Variants in ZNF277 observed in about 807,000 individuals in gnomAD.
The protein encoded by ZNF277 is nuclear receptor-interacting factor 4.
ZNF277 carries 55 observed loss-of-function variants against 60.7 expected under a neutral mutation model. The observed-to-expected ratio is 0.91, with a 90% CI of 0.73 to 1.13. ZNF277 has a LOEUF of 1.13. Among genes scored for constraint, ZNF277 ranks in the 50% most tolerant of loss-of-function variants. The probability of loss-of-function intolerance (pLI) is 0.00; values close to 1 mark genes in which losing one functional copy is unlikely to be tolerated. For synonymous variants in ZNF277, 178 were observed against 179.3 expected (o/e 0.99, Z 0.06); for missense variants, 510 against 523.0 (o/e 0.98, Z 0.24).
intron 1 of ZNF277, among the ~76,000 whole-genome samples, chr7:112,252,081 C>G (rs529751751): frequency 1.3e-5 from 2 of 152,278 alleles, no homozygotes; most frequent in African/African-American, 4.8e-5. Flanking sequence ...GCCTTTTGGC[C>G]TAACTTTTTT....
intron 1 of ZNF277, among the ~76,000 whole-genome samples, chr7:112,211,422 T>G (rs756606188): frequency 6.6e-6 from 1 of 152,242 alleles, no homozygotes; most frequent in Non-Finnish European, 1.5e-5. Context: ...ACTGCTGAAT[T>G]ACCTACCTGC....
intron 1 of ZNF277, among the ~76,000 whole-genome samples, chr7:112,227,082 G>T (rs557806280): frequency 6.6e-6 from 1 of 152,218 alleles, no homozygotes; most frequent in East Asian, 1.9e-4. Context: ...AATTACATTT[G>T]CTGATATCTC....
chr7:112,333,152 T>TTA (rs565979289), intron 7 of ZNF277, among the ~76,000 whole-genome samples: 3,661 of 145,652 alleles, frequency 0.025, 138 homozygotes, highest in African/African-American at 0.085. Context: ...ATACTTTATT[T>TTA]AAAAAAAAAA....
intron 4 of ZNF277, among the ~76,000 whole-genome samples, chr7:112,298,477 A>T (rs1264926207): frequency 6.6e-6 from 1 of 152,198 alleles, no homozygotes; most frequent in Non-Finnish European, 1.5e-5. Context: ...GGGGAGGAGT[A>T]TGAGATAAAT....
chr7:112,327,659 C>A, intron 5 of ZNF277, 58 bp from the exon 6 acceptor site: 1 of 1,379,048 alleles, frequency 7.3e-7, no homozygotes, highest in Non-Finnish European at 1.0e-6. Flanking sequence ...GCTATTCCAA[C>A]CCAAATGTGT....
At chr7:112,215,963 T>C (rs919385461) in intron 1 of ZNF277, among the ~76,000 whole-genome samples, 4 of 152,246 alleles carry the variant, frequency 2.6e-5, no homozygotes, top group African/African-American at 7.2e-5. Context: ...TAATTACCAT[T>C]ATAAAGCAAT....
Position 112,276,403 on chromosome 7 carries a change from G to A in ZNF277, c.92-10470G>A, listed in dbSNP as rs185646746. 2.4e-3 allele frequency among the ~76,000 whole-genome samples: 366 copies of A among 152,142 alleles called. 3 individuals are homozygous for A. The highest frequency in any genetic ancestry group is 8.0e-3 in the African/African-American group (332 of 41,498). On this transcript the variant is annotated intron_variant, in intron 1 of 11. Transcript: ENST00000361822. ...CAAATGGGCTTCCCTAGAAACTGTC[G>A]GATGACAAAAGATGCTACAAAGCTT...
Position 112,327,734 on chromosome 7 carries a change from A to G in ZNF277, c.575A>G (p.His192Arg). The change falls in exon 6 of 12, where the codon CAC (histidine) becomes CGC (arginine). Residue 192 changes from histidine to arginine, a missense_variant. Coordinates refer to ENST00000361822, the MANE Select transcript of ZNF277 (RefSeq NM_021994.3). Reference sequence around the variant, plus strand: ...CTTCCTAGATCTGTTATTTTGAACCACATGGCCAGAGAACATGCTTTCAAC... The same window carrying G: ...CTTCCTAGATCTGTTATTTTGAACCGCATGGCCAGAGAACATGCTTTCAAC... The part of the protein sequence containing the change: ...FLGNRSVILN[H>R]MAREHAFNIG... The G allele has an allele frequency of 6.2e-7, 1 of 1,611,666 alleles. No homozygotes were observed.
chr7:112,337,247 G>C (rs1019093533), intron 8 of ZNF277, among the ~76,000 whole-genome samples: 4 of 152,148 alleles, frequency 2.6e-5, no homozygotes, highest in South Asian at 2.1e-4. Flanking sequence ...TTTAACACTT[G>C]CCCAGTTTAA....
chr7:112,290,533 G>A (rs1792184148), intron 2 of ZNF277, among the ~76,000 whole-genome samples: 2 of 152,158 alleles, frequency 1.3e-5, no homozygotes, highest in African/African-American at 4.8e-5. Flanking sequence ...TCTGATATAA[G>A]TGCTTTCTAA....
chr7:112,275,456 T>C (rs901813832), intron 1 of ZNF277, among the ~76,000 whole-genome samples: 2 of 152,210 alleles, frequency 1.3e-5, no homozygotes, highest in African/African-American at 4.8e-5. Flanking sequence ...CTTCATTTCA[T>C]TTCCTTTTAG....
chr7:112,283,143 A>C (rs1182534434), intron 1 of ZNF277, among the ~76,000 whole-genome samples: 4 of 152,250 alleles, frequency 2.6e-5, no homozygotes, highest in East Asian at 1.9e-4. Context: ...CCATATGATC[A>C]ATGCTGTTAT....
At chr7:112,208,364 ACT>A (rs1228166813) in intron 1 of ZNF277, among the ~76,000 whole-genome samples, 3 of 151,954 alleles carry the variant, frequency 2.0e-5, no homozygotes, top group South Asian at 2.1e-4. Flanking sequence ...GCAGAGCAAG[ACT>A]CTGTATCAAA....
At chr7:112,341,144 A>T (rs958743268) in intron 11 of ZNF277, 98 bp downstream of exon 11, 2 of 1,147,224 alleles carry the variant, frequency 1.7e-6, no homozygotes, top group South Asian at 1.9e-5. Context: ...AAAGGAATAC[A>T]TATTTATTAT....
chr7:112,306,036 T>A (rs1291540600), intron 4 of ZNF277, among the ~76,000 whole-genome samples: 1 of 152,136 alleles, frequency 6.6e-6, no homozygotes, highest in Non-Finnish European at 1.5e-5. Context: ...TTTCTGCATC[T>A]GATTAATGAG....
chr7:112,288,113 C>A (rs1461933016), intron 2 of ZNF277: 1 of 152,148 alleles, frequency 6.6e-6, no homozygotes, highest in African/African-American at 2.4e-5. Flanking sequence ...GAATGGGATC[C>A]TTGGAGACTT....
intron 1 of ZNF277, among the ~76,000 whole-genome samples, chr7:112,253,478 C>G (rs1791240994): frequency 6.6e-6 from 1 of 152,178 alleles, no homozygotes; most frequent in South Asian, 2.1e-4. Flanking sequence ...TTCTCTCTCT[C>G]TGACTCTTCT....
chr7:112,342,629 C>T lies in ZNF277; in HGVS notation c.1253C>T (p.Thr418Ile), dbSNP rs1395371718. 2 of 1,613,036 alleles carry T rather than the reference C, an allele frequency of 1.2e-6. No individual in the cohort carries two copies. Among genetic ancestry groups the T allele is most frequent in the Non-Finnish European group, 1.7e-6 (2 of 1,179,854 alleles). Residue 418 changes from threonine (T) to isoleucine (I), a missense_variant, in exon 12 of 12, where the codon ACA (threonine) becomes ATA (isoleucine). Coordinates refer to ENST00000361822, the MANE Select transcript of ZNF277 (RefSeq NM_021994.3). ...CTATCTGACAGTGAAAGTGACCTGA[C>T]AGCTCAGGAACAAAATGAAAATGTT... ...CTLSDSESDL[T>I]AQEQNENVPI...
intron 1 of ZNF277, among the ~76,000 whole-genome samples, chr7:112,215,908 A>C (rs1821867276): frequency 6.6e-6 from 1 of 152,242 alleles, no homozygotes; most frequent in South Asian, 2.1e-4. Flanking sequence ...GCTATTCACC[A>C]GTAATAGCCA....
Sources: allele counts gnomAD v4.1 joint callset (sites outside exome capture counted in the v4.1 genomes callset), GRCh38; gene constraint gnomAD v4.1.1; transcripts MANE v1.5; gene names NCBI Gene and HGNC (gene_info 2026-07-23, HGNC 2026-07-21).